Variants in VPS13D observed in about 807,000 individuals in gnomAD.
The protein encoded by VPS13D is intermembrane lipid transfer protein VPS13D.
In VPS13D, 187 loss-of-function variants were observed where a neutral mutation model predicts 461.9. The ratio of observed to expected loss-of-function variants is 0.40; its 90% CI spans 0.36 to 0.46. The LOEUF is 0.46. Among genes scored for constraint, VPS13D ranks in the 20% least tolerant of loss-of-function variants. VPS13D has a pLI of 0.60. For synonymous variants in VPS13D, 1,951 were observed against 1,986.3 expected, an observed-to-expected ratio of 0.98 and a Z score of 0.47; for missense variants, 4,711 against 5,364.9, an observed-to-expected ratio of 0.88 and a Z score of 3.81.
Position 12,348,937 on chromosome 1 carries a change from A to G in VPS13D, c.9184A>G (p.Met3062Val), listed in dbSNP as rs372381323. The change falls in exon 45 of 70, where the codon ATG (methionine) becomes GTG (valine). Residue 3062 changes from methionine to valine, a missense_variant. By Grantham distance (21) the Met-to-Val change is conservative. Transcript: ENST00000620676. ...LIVRNRLETP[M>V]ELRLDSPSAP... Reference sequence around the variant, plus strand: ...TGTGAGGAACAGACTTGAGACACCAATGGAACTAAGACTGGATAGCCCATC... The same window carrying G: ...TGTGAGGAACAGACTTGAGACACCAGTGGAACTAAGACTGGATAGCCCATC... The G allele has an allele frequency of 2.1e-5, 34 of 1,614,092 alleles. No individual in the cohort carries two copies. In the African/African-American group the frequency reaches 4.0e-4, roughly 19 times the overall value.
intron 25 of VPS13D, among the ~76,000 whole-genome samples, chr1:12,301,425 G>C (rs1159710743): frequency 6.6e-6 from 1 of 152,138 alleles, no homozygotes; most frequent in African/African-American, 2.4e-5. Flanking sequence ...TAGAACTCAG[G>C]GGAGCACATT....
intron 67 of VPS13D, chr1:12,497,290 C>T: frequency 4.7e-6 from 2 of 427,618 alleles, no homozygotes; most frequent in Non-Finnish European, 7.8e-6. Context: ...GATCACATGG[C>T]CAGAAAATGG....
chr1:12,325,080 CT>C (rs916858935), intron 35 of VPS13D, among the ~76,000 whole-genome samples: 7 of 151,948 alleles, frequency 4.6e-5, no homozygotes, highest in African/African-American at 9.7e-5. Context: ...TTCCTTCCAT[CT>C]TTTTTTTCCC....
intron 67 of VPS13D, among the ~76,000 whole-genome samples, chr1:12,482,998 A>C (rs1377598017): frequency 6.6e-6 from 1 of 152,190 alleles, no homozygotes; most frequent in Non-Finnish European, 1.5e-5. Flanking sequence ...TGCTGTTGTA[A>C]GCATCCTCTA....
intron 2 of VPS13D, among the ~76,000 whole-genome samples, chr1:12,235,280 T>G (rs1436753332): frequency 6.6e-6 from 1 of 152,094 alleles, no homozygotes; most frequent in African/African-American, 2.4e-5. Context: ...CATGTTCCAT[T>G]AAATGTGTTG....
intron 37 of VPS13D, among the ~76,000 whole-genome samples, chr1:12,332,448 G>A (rs906709416): frequency 1.3e-5 from 2 of 152,178 alleles, no homozygotes; most frequent in African/African-American, 4.8e-5. Flanking sequence ...ACATATTGGT[G>A]AACAAGAATA....
chr1:12,370,723 G>A (rs1363540139), intron 54 of VPS13D, among the ~76,000 whole-genome samples: 1 of 152,252 alleles, frequency 6.6e-6, no homozygotes, highest in African/African-American at 2.4e-5. Context: ...GCACTTAACA[G>A]TGGGACATGC....
chr1:12,398,722 C>T (rs1006180188), intron 60 of VPS13D, among the ~76,000 whole-genome samples: 3 of 152,144 alleles, frequency 2.0e-5, no homozygotes, highest in Non-Finnish European at 2.9e-5. Flanking sequence ...ACCCTAATGC[C>T]GCTGACTTAA....
chr1:12,235,088 G>A (rs763244785), intron 2 of VPS13D, among the ~76,000 whole-genome samples: 13 of 152,122 alleles, frequency 8.5e-5, no homozygotes, highest in South Asian at 4.1e-4. Context: ...TTTAACATAC[G>A]TAGGGAAGAG....
At chr1:12,415,259 G>A (rs764973383) in intron 64 of VPS13D, 38 bp downstream of exon 64, 1 of 1,613,120 alleles carries the variant, frequency 6.2e-7, no homozygotes, top group East Asian at 2.2e-5. Flanking sequence ...TGGAGCATAA[G>A]CAGAATGTTT....
intron 13 of VPS13D, among the ~76,000 whole-genome samples, chr1:12,264,791 C>G (rs887711301): frequency 3.9e-5 from 6 of 152,218 alleles, no homozygotes; most frequent in African/African-American, 1.4e-4. Context: ...AAGATCCTTG[C>G]TATGCTAAAT....
At chr1:12,265,832 ACTC>A (rs1181122306) in intron 13 of VPS13D, among the ~76,000 whole-genome samples, 1 of 152,156 alleles carries the variant, frequency 6.6e-6, no homozygotes, top group Non-Finnish European at 1.5e-5. Flanking sequence ...GATGGAATCT[ACTC>A]CTGGTGAAGA....
intron 65 of VPS13D, among the ~76,000 whole-genome samples, chr1:12,428,305 G>A (rs1051044635): frequency 1.3e-5 from 2 of 152,158 alleles, no homozygotes; most frequent in African/African-American, 4.8e-5. Flanking sequence ...ACAGGCACAG[G>A]CATATCACAC....
At chr1:12,336,095 A>G in intron 39 of VPS13D, 1 of 374,998 alleles carries the variant, frequency 2.7e-6, no homozygotes, top group East Asian at 5.5e-5. Flanking sequence ...AATGCATATG[A>G]ACTGGTGCAC....
Position 12,497,559 on chromosome 1 carries a change from C to T in VPS13D, c.12722C>T (p.Pro4241Leu). Residue 4241 changes from proline (P) to leucine (L), a missense_variant, in exon 68 of 70, where the codon CCC becomes CTC. Pro to Leu is a moderately conservative substitution (Grantham distance 98, BLOSUM62 -3). Coordinates refer to ENST00000620676, the MANE Select transcript of VPS13D (RefSeq NM_015378.4). ...TGCACGGGGCCCCAGGGGCTGCTTC[C>T]CCGATATTCTGAGAGCCAGGCGGAA... ...RCCTGPQGLL[P>L]RYSESQAEGQ... 1 of 1,614,092 alleles carries T rather than the reference C, an allele frequency of 6.2e-7. No individual in the cohort carries two copies. The highest frequency in any genetic ancestry group is 8.5e-7 in the Non-Finnish European group (1 of 1,180,002).
At chr1:12,413,455 A>G (rs917092890) in intron 63 of VPS13D, among the ~76,000 whole-genome samples, 7 of 152,156 alleles carry the variant, frequency 4.6e-5, no homozygotes, top group African/African-American at 9.7e-5. Context: ...CCTGGGCAAC[A>G]GAGACTTTGT....
chr1:12,466,603 C>T (rs1884404), intron 67 of VPS13D, among the ~76,000 whole-genome samples: 1 of 152,324 alleles, frequency 6.6e-6, no homozygotes, highest in Admixed American at 6.5e-5. Flanking sequence ...TCATACTTAT[C>T]TAGGAAGTTC....
intron 65 of VPS13D, among the ~76,000 whole-genome samples, chr1:12,431,313 T>C (rs1428735090): frequency 1.3e-5 from 2 of 152,014 alleles, no homozygotes; most frequent in South Asian, 2.1e-4. Context: ...TAGAAACTCT[T>C]TGGATAGCAG....
intron 1 of VPS13D, among the ~76,000 whole-genome samples, chr1:12,232,637 C>CTTTTT (rs772757546): frequency 3.2e-4 from 23 of 71,020 alleles, no homozygotes; most frequent in South Asian, 5.7e-4. Flanking sequence ...TAAAATTAGT[C>CTTTTT]TTTTTTTTTT....
Sources: allele counts gnomAD v4.1 joint callset (sites outside exome capture counted in the v4.1 genomes callset), GRCh38; gene constraint gnomAD v4.1.1; transcripts MANE v1.5; gene names NCBI Gene and HGNC (gene_info 2026-07-23, HGNC 2026-07-21).